The following SPECC1 variants were observed in gnomAD, a reference collection of about 807,000 sequenced individuals.
SPECC1 encodes sperm antigen with calponin homology and coiled-coil domains 1.
In SPECC1, 62 loss-of-function variants were observed where a neutral mutation model predicts 104.1. That is an observed-to-expected ratio of 0.60 (90% CI 0.49 to 0.74). The LOEUF (loss-of-function observed/expected upper bound fraction) is 0.74. Ranked by LOEUF, SPECC1 falls within the 30% of genes least tolerant of loss-of-function variation. The pLI, the probability that SPECC1 is intolerant of heterozygous loss-of-function variation, is 0.00. For missense variants in SPECC1, 1,306 were observed against 1,310.5 expected (o/e 1.00, Z 0.05); for synonymous variants, 513 against 501.6 (o/e 1.02, Z -0.30).
chr17:20,273,206 A>G (rs1170371941), intron 12 of SPECC1, among the ~76,000 whole-genome samples: 1 of 152,190 alleles, frequency 6.6e-6, no homozygotes, highest in Non-Finnish European at 1.5e-5. Flanking sequence ...CCTGTGGGCC[A>G]GGCACAGTGG....
intron 12 of SPECC1, among the ~76,000 whole-genome samples, chr17:20,260,693 A>C (rs2039995261): frequency 6.6e-6 from 1 of 152,208 alleles, no homozygotes; most frequent in African/African-American, 2.4e-5. Flanking sequence ...TCCCTCAGGC[A>C]TGAGGGAGGA....
intron 3 of SPECC1, among the ~76,000 whole-genome samples, chr17:20,176,981 G>A (rs2034515193): frequency 6.6e-6 from 1 of 152,128 alleles, no homozygotes; most frequent in African/African-American, 2.4e-5. Context: ...CATAGTGCAG[G>A]TGGGACTTGC....
chr17:20,239,076 C>T (rs547503299), intron 7 of SPECC1: 96 of 1,032,442 alleles, frequency 9.3e-5, no homozygotes, highest in Admixed American at 1.1e-4. Flanking sequence ...TGAACAGTTT[C>T]ATTAGTAGAA....
chr17:20,243,784 A>G (rs779337063), intron 7 of SPECC1, among the ~76,000 whole-genome samples: 10 of 152,236 alleles, frequency 6.6e-5, no homozygotes, highest in Non-Finnish European at 1.0e-4. Context: ...ATAAATTTAG[A>G]TAACTGAAAG....
intron 4 of SPECC1, among the ~76,000 whole-genome samples, chr17:20,224,313 G>A (rs1312499921): frequency 1.3e-5 from 2 of 152,204 alleles, no homozygotes; most frequent in Non-Finnish European, 2.9e-5. Context: ...CCAGCACTGG[G>A]TCTCAGTCAA....
chr17:20,254,815 C>A (rs2039765401), intron 10 of SPECC1, among the ~76,000 whole-genome samples: 1 of 151,964 alleles, frequency 6.6e-6, no homozygotes, highest in Non-Finnish European at 1.5e-5. Flanking sequence ...AGATCTTGGT[C>A]AAACACAATC....
intron 9 of SPECC1, among the ~76,000 whole-genome samples, chr17:20,253,190 T>A (rs2039697667): frequency 6.6e-6 from 1 of 152,178 alleles, no homozygotes; most frequent in Non-Finnish European, 1.5e-5. Flanking sequence ...ACACACATCC[T>A]TGAATATACA....
intron 2 of SPECC1, among the ~76,000 whole-genome samples, chr17:20,100,420 T>C (rs1363680013): frequency 6.6e-6 from 1 of 152,198 alleles, no homozygotes; most frequent in African/African-American, 2.4e-5. Context: ...CCCAATATTT[T>C]ACTGTGACAA....
rs371116316 is a variant in SPECC1, at chr17:20,314,700, C to CAA, written c.*643_*644dup. 5 of 190,010 alleles carry CAA rather than the reference C, an allele frequency of 2.6e-5. No homozygotes were observed. Among genetic ancestry groups the CAA allele is most frequent in the African/African-American group, 8.0e-5 (3 of 37,484 alleles). 11.8% of individuals were successfully genotyped at this position (190,010 alleles called of 1,614,324 possible). Reference sequence around the variant, plus strand: ...AACCCTCCCTTCCCCCCTCCCCCCCCAAAAAAAAACAACAAAACACAAAAA... The same window carrying CAA: ...AACCCTCCCTTCCCCCCTCCCCCCCCAAAAAAAAAAACAACAAAACACAAAAA... On this transcript the variant is annotated 3_prime_UTR_variant, in exon 15 of 15. Transcript: ENST00000395527.
At chr17:20,125,041 A>G (rs571265971) in intron 3 of SPECC1, among the ~76,000 whole-genome samples, 69 of 152,228 alleles carry the variant, frequency 4.5e-4, no homozygotes, top group African/African-American at 1.4e-3. Flanking sequence ...TCAGCCAGGC[A>G]TGGTGGTGGG....
At chr17:20,045,639 T>TC (rs1239907165) in intron 1 of SPECC1, among the ~76,000 whole-genome samples, 2 of 152,186 alleles carry the variant, frequency 1.3e-5, no homozygotes, top group African/African-American at 2.4e-5. Flanking sequence ...GTGTGACCCT[T>TC]CCAGGGACAT....
intron 3 of SPECC1, among the ~76,000 whole-genome samples, chr17:20,124,405 A>G (rs16960697): frequency 0.57 from 86,121 of 151,746 alleles, 25,033 homozygotes; most frequent in Middle Eastern, 0.62. Flanking sequence ...CCTATGGGAA[A>G]TGTTGATTTC....
At chr17:20,114,608 A>G (rs921171407) in intron 3 of SPECC1, among the ~76,000 whole-genome samples, 5 of 151,820 alleles carry the variant, frequency 3.3e-5, no homozygotes, top group Non-Finnish European at 4.4e-5. Flanking sequence ...GTGTCCTTAC[A>G]TCTACCCCAA....
At chr17:20,221,275 G>GA (rs1356366205) in intron 4 of SPECC1, among the ~76,000 whole-genome samples, 1 of 152,182 alleles carries the variant, frequency 6.6e-6, no homozygotes, top group African/African-American at 2.4e-5. Context: ...TTTCAGCAGT[G>GA]AAACCATTGG....
chr17:20,253,736 G>A (rs753388232), intron 10 of SPECC1, 150 bp downstream of exon 10: 8 of 741,844 alleles, frequency 1.1e-5, no homozygotes, highest in Non-Finnish European at 1.5e-5. Flanking sequence ...TATCATGAAT[G>A]TTAGATGCAG....
rs567817954 is a variant in SPECC1, at chr17:20,086,470, C to A, written c.-21-10161C>A. The stretch of plus-strand genomic sequence containing the variant: ...AGACCCTGCTGCTCATGACTTAAGG[C>A]TTCTGTGCATTGAATTAAGCCACTA... On this transcript the variant is annotated intron_variant, in intron 1 of 14. Transcript: ENST00000395527. Among the ~76,000 whole-genome samples, 3 of 152,300 alleles carry A rather than the reference C, an allele frequency of 2.0e-5. No individual in the cohort carries two copies. In the South Asian group the frequency reaches 6.2e-4, roughly 32 times the overall value.
chr17:20,205,161 C>T lies in SPECC1; in HGVS notation c.1112C>T (p.Ala371Val), dbSNP rs1567937547. 7 of 1,614,148 alleles carry T rather than the reference C, an allele frequency of 4.3e-6. No homozygotes were observed. The highest frequency in any genetic ancestry group is 5.9e-6 in the Non-Finnish European group (7 of 1,180,034). The change falls in exon 4 of 15, where the codon GCT (alanine) becomes GTT (valine). Residue 371 changes from alanine (A) to valine (V), a missense_variant. Ala to Val is a moderately conservative substitution (Grantham distance 64). Around this residue, in one of 2 missense-constraint regions of SPECC1, gnomAD observed 1,177 missense variants for 1,139.9 expected, o/e 1.03. Coordinates refer to ENST00000395527, the MANE Select transcript of SPECC1 (RefSeq NM_001243439.2). ...AACAGCGTAAGTGAATTGTCCCTGG[C>T]TTCCCTCACAGAGAAGATACAAAAG... ...SPNSVSELSLASLTEKIQKME... is the reference protein window; with the variant it reads ...SPNSVSELSLVSLTEKIQKME...
chr17:20,156,792 G>T (rs2032604110), intron 3 of SPECC1, among the ~76,000 whole-genome samples: 1 of 152,060 alleles, frequency 6.6e-6, no homozygotes, highest in Non-Finnish European at 1.5e-5. Context: ...AGTCAGTTGG[G>T]CCGTAGTTTT....
At chr17:20,044,408 T>C (rs2045456159) in intron 1 of SPECC1, among the ~76,000 whole-genome samples, 1 of 152,190 alleles carries the variant, frequency 6.6e-6, no homozygotes, top group Admixed American at 6.5e-5. Flanking sequence ...CAGCCTCTAC[T>C]TGGGAGATGT....
Sources: allele counts gnomAD v4.1 joint callset (sites outside exome capture counted in the v4.1 genomes callset), GRCh38; gene constraint gnomAD v4.1.1; regional missense constraint gnomAD v4.1.1; transcripts MANE v1.5; gene names NCBI Gene and HGNC (gene_info 2026-07-23, HGNC 2026-07-21).